Variants in FGGY observed in about 807,000 individuals in gnomAD.
FGGY encodes FGGY carbohydrate kinase domain containing.
A neutral mutation model predicts 71.3 loss-of-function variants in FGGY; 72 were observed. That is an observed-to-expected ratio of 1.01 (90% CI 0.84 to 1.23). FGGY has a LOEUF of 1.23. Among genes scored for constraint, FGGY ranks in the 50% most tolerant of loss-of-function variants. The pLI, the probability that FGGY is intolerant of heterozygous loss-of-function variation, is 0.00. For missense variants in FGGY, 668 were observed against 682.3 expected (o/e 0.98, Z 0.23); for synonymous variants, 251 against 250.3 (o/e 1.00, Z -0.02).
intron 7 of FGGY, among the ~76,000 whole-genome samples, chr1:59,548,865 A>G (rs1289914006): frequency 1.3e-5 from 2 of 152,190 alleles, no homozygotes; most frequent in African/African-American, 2.4e-5. Flanking sequence ...ATTAACATAT[A>G]TAATTTTTAT....
chr1:59,676,892 G>T (rs2097441081), intron 14 of FGGY, among the ~76,000 whole-genome samples: 1 of 152,084 alleles, frequency 6.6e-6, no homozygotes, highest in Non-Finnish European at 1.5e-5. Flanking sequence ...CTCTGTGCTT[G>T]CTTTACTGTC....
rs1260716586 is a variant in FGGY, at chr1:59,638,363, A to T, written c.1209A>T (p.Thr403=). The T allele has an allele frequency of 6.2e-7, 1 of 1,614,268 alleles. No individual in the cohort carries two copies. Among genetic ancestry groups the T allele is most frequent in the Non-Finnish European group, 8.5e-7 (1 of 1,180,044 alleles). The change falls in exon 11 of 16, where the codon ACA becomes ACT. Residue 403 remains threonine (T), a synonymous_variant. Transcript: ENST00000303721. ...ACCGGTCTCCCTTAGCAGATCTGAC[A>T]CTAAAGGGCATGGTAAGTAACAGCT... ...HGNRSPLADL[T]LKGMVTGLKL... is the part of the protein sequence containing the mutation.
At chr1:59,466,701 G>A (rs1292859960) in intron 6 of FGGY, among the ~76,000 whole-genome samples, 1 of 152,226 alleles carries the variant, frequency 6.6e-6, no homozygotes, top group African/African-American at 2.4e-5. Context: ...CAACGGATAT[G>A]AACAGACACT....
intron 6 of FGGY, among the ~76,000 whole-genome samples, chr1:59,507,684 A>ATTTTTTTTTTTTTTTTTTTTTTTT (rs561953004): frequency 2.2e-4 from 24 of 106,906 alleles, no homozygotes; most frequent in African/African-American, 6.9e-4. Context: ...TGCTTGGCTA[A>ATTTTTTTTTTTTTTTTTTTTTTTT]TTTTTTTTTT....
intron 2 of FGGY, among the ~76,000 whole-genome samples, chr1:59,337,202 G>C (rs915401459): frequency 6.6e-6 from 1 of 151,988 alleles, no homozygotes; most frequent in Non-Finnish European, 1.5e-5. Context: ...CAGGGAAGCC[G>C]ACAATGCAGT....
intron 6 of FGGY, among the ~76,000 whole-genome samples, chr1:59,494,079 C>T (rs1026111146): frequency 1.2e-4 from 18 of 152,034 alleles, no homozygotes; most frequent in Non-Finnish European, 2.1e-4. Context: ...TAGATCAGTT[C>T]GATTCATTCT....
At chr1:59,409,428 C>T (rs1005055107) in intron 5 of FGGY, among the ~76,000 whole-genome samples, 7 of 152,036 alleles carry the variant, frequency 4.6e-5, no homozygotes, top group Non-Finnish European at 2.9e-5. Flanking sequence ...AGCCATTATT[C>T]AAGCCGTTGA....
chr1:59,392,082 G>A (rs2060765295), intron 5 of FGGY, among the ~76,000 whole-genome samples: 1 of 152,094 alleles, frequency 6.6e-6, no homozygotes, highest in South Asian at 2.1e-4. Context: ...GCCTTGTTCA[G>A]GAGTCTTTTT....
chr1:59,480,788 G>T (rs2093439578), intron 6 of FGGY, among the ~76,000 whole-genome samples: 1 of 152,118 alleles, frequency 6.6e-6, no homozygotes, highest in African/African-American at 2.4e-5. Flanking sequence ...GCAGGGAAAA[G>T]GGAGGGAGGA....
chr1:59,605,000 A>G (rs2096610477), intron 8 of FGGY, among the ~76,000 whole-genome samples: 1 of 152,190 alleles, frequency 6.6e-6, no homozygotes, highest in African/African-American at 2.4e-5. Context: ...ACCAGTTAGT[A>G]TGCTCTCCTT....
chr1:59,499,611 A>G (rs1397877531), intron 6 of FGGY, among the ~76,000 whole-genome samples: 2 of 151,712 alleles, frequency 1.3e-5, no homozygotes, highest in Non-Finnish European at 2.9e-5. Flanking sequence ...TTTCATTTGG[A>G]AAAAAAAAGT....
intron 12 of FGGY, among the ~76,000 whole-genome samples, chr1:59,662,625 T>C (rs1429636694): frequency 2.6e-5 from 4 of 152,202 alleles, no homozygotes; most frequent in Non-Finnish European, 5.9e-5. Flanking sequence ...ATACTGTATG[T>C]TTACTGTACC....
intron 8 of FGGY, among the ~76,000 whole-genome samples, chr1:59,606,889 A>G (rs115735552): frequency 0.015 from 2,288 of 152,094 alleles, 66 homozygotes; most frequent in African/African-American, 0.053. Context: ...CTATTTGTCT[A>G]TTTTTTTGTA....
At chr1:59,548,498 G>C (rs2095559709) in intron 7 of FGGY, among the ~76,000 whole-genome samples, 1 of 152,108 alleles carries the variant, frequency 6.6e-6, no homozygotes, top group Non-Finnish European at 1.5e-5. Context: ...AAGGGGTCAA[G>C]GCATCTTTGC....
chr1:59,537,976 C>T (rs1205853738), intron 7 of FGGY, among the ~76,000 whole-genome samples: 8 of 152,076 alleles, frequency 5.3e-5, no homozygotes, highest in Admixed American at 5.2e-4. Flanking sequence ...GCAATGGCAA[C>T]AAAAGCCAAA....
chr1:59,744,735 CT>C (rs758048835), intron 14 of FGGY, among the ~76,000 whole-genome samples: 5 of 152,222 alleles, frequency 3.3e-5, no homozygotes, highest in Non-Finnish European at 7.3e-5. Context: ...AATCCATTTA[CT>C]CATTCATTTA....
intron 6 of FGGY, among the ~76,000 whole-genome samples, chr1:59,463,209 A>C (rs1054452273): frequency 6.6e-6 from 1 of 152,220 alleles, no homozygotes; most frequent in African/African-American, 2.4e-5. Flanking sequence ...TTGGAAATCA[A>C]CATTCTTAAA....
intron 13 of FGGY, among the ~76,000 whole-genome samples, chr1:59,670,394 C>A (rs768255442): frequency 6.6e-6 from 1 of 152,188 alleles, no homozygotes; most frequent in African/African-American, 2.4e-5. Flanking sequence ...AGACCTGGAA[C>A]ATGATTCTCA....
intron 7 of FGGY, among the ~76,000 whole-genome samples, chr1:59,527,301 A>G (rs1014627430): frequency 6.6e-6 from 1 of 152,182 alleles, no homozygotes; most frequent in Non-Finnish European, 1.5e-5. Context: ...TTTGCTCCCT[A>G]CTAGTGCCTA....
Sources: allele counts gnomAD v4.1 joint callset (sites outside exome capture counted in the v4.1 genomes callset), GRCh38; gene constraint gnomAD v4.1.1; transcripts MANE v1.5; gene names NCBI Gene and HGNC (gene_info 2026-07-23, HGNC 2026-07-21).